The following ADAMTSL1 variants were observed in gnomAD, a reference collection of about 807,000 sequenced individuals.
ADAMTSL1 encodes ADAMTS-like protein 1.
ADAMTSL1 carries 126 observed loss-of-function variants against 201.8 expected under a neutral mutation model. The observed-to-expected ratio is 0.62, with a 90% confidence interval of 0.54 to 0.72. The LOEUF (loss-of-function observed/expected upper bound fraction) is 0.72. ADAMTSL1 is among the 30% of genes least tolerant of loss of function. The probability of loss-of-function intolerance (pLI) is 0.00; values close to 1 mark genes in which losing one functional copy is unlikely to be tolerated. For missense variants in ADAMTSL1, 2,679 were observed against 2,277.8 expected (o/e 1.18, Z -3.59); for synonymous variants, 1,121 against 903.4 (o/e 1.24, Z -4.32).
chr9:18,025,116 T>C (rs1820638668), intron 1 of ADAMTSL1, among the ~76,000 whole-genome samples: 1 of 152,150 alleles, frequency 6.6e-6, no homozygotes, highest in South Asian at 2.1e-4. Flanking sequence ...TTGGGTTTTT[T>C]TGCTTGCTGA....
intron 1 of ADAMTSL1, among the ~76,000 whole-genome samples, chr9:17,978,950 C>T (rs190296945): frequency 1.8e-5 from 2 of 108,838 alleles, no homozygotes; most frequent in African/African-American, 6.4e-5. Flanking sequence ...GTAAAGTATT[C>T]TTGGTTGACA....
chr9:18,025,612 T>A (rs550790065), intron 1 of ADAMTSL1, among the ~76,000 whole-genome samples: 1 of 152,164 alleles, frequency 6.6e-6, no homozygotes, highest in Non-Finnish European at 1.5e-5. Context: ...TTGGTCTATG[T>A]GTCTGTTTTT....
At chr9:18,204,660 A>G (rs1029571848) in intron 2 of ADAMTSL1, among the ~76,000 whole-genome samples, 4 of 152,108 alleles carry the variant, frequency 2.6e-5, no homozygotes, top group African/African-American at 7.2e-5. Flanking sequence ...AGTTCCTTCA[A>G]TCATCTGAAG....
chr9:18,349,569 T>C (rs1276705804), intron 2 of ADAMTSL1, among the ~76,000 whole-genome samples: 1 of 152,200 alleles, frequency 6.6e-6, no homozygotes, highest in Non-Finnish European at 1.5e-5. Context: ...TGCAATTGTG[T>C]GGCATATAAA....
intron 1 of ADAMTSL1, among the ~76,000 whole-genome samples, chr9:17,934,838 C>T (rs779744548): frequency 1.3e-4 from 19 of 151,502 alleles, no homozygotes; most frequent in Non-Finnish European, 2.4e-4. Context: ...GACTCCATCC[C>T]CATTTGCCTA....
In ADAMTSL1 at chr9:18,099,357, T is replaced by TATATATATATATA. The variant is rs58492343; in HGVS notation, c.88-64505_88-64504insATATATATATATA. ...TATATATATATATATATATATATAT[T>TATATATATATATA]TTTTTTTTTTTTTTTAACATCCATT... On this transcript the variant is annotated intron_variant, in intron 1 of 29. Transcript: ENST00000680146. 7.4e-3 allele frequency among the ~76,000 whole-genome samples: 419 copies of TATATATATATATA among 56,812 alleles called. 5 individuals carry two copies. Among genetic ancestry groups the TATATATATATATA allele is most frequent in the African/African-American group, 0.012 (134 of 11,380 alleles). 37.3% of individuals were successfully genotyped at this position (56,812 alleles called of 152,430 possible).
chr9:17,927,103 G>T (rs991240957), intron 1 of ADAMTSL1, among the ~76,000 whole-genome samples: 3 of 152,110 alleles, frequency 2.0e-5, no homozygotes, highest in African/African-American at 7.2e-5. Context: ...ACTATGTTCT[G>T]TTTATGATTT....
intron 16 of ADAMTSL1, among the ~76,000 whole-genome samples, chr9:18,755,905 A>C (rs1301083773): frequency 6.6e-6 from 1 of 151,712 alleles, no homozygotes; most frequent in Non-Finnish European, 1.5e-5. Flanking sequence ...ACCTTTAAAA[A>C]GTCTCTTCTT....
intron 1 of ADAMTSL1, among the ~76,000 whole-genome samples, chr9:18,086,339 A>G (rs1823770036): frequency 1.3e-5 from 2 of 152,194 alleles, no homozygotes; most frequent in South Asian, 4.1e-4. Flanking sequence ...GACTAACCTT[A>G]AATAAAACAG....
intron 2 of ADAMTSL1, among the ~76,000 whole-genome samples, chr9:18,244,589 C>T (rs1023399999): frequency 6.6e-6 from 1 of 152,118 alleles, no homozygotes; most frequent in African/African-American, 2.4e-5. Context: ...TCTTCCCCTT[C>T]ACCCTTCAAG....
In ADAMTSL1 at chr9:18,643,683, T is replaced by C. The variant is rs143167957; in HGVS notation, c.834+4272T>C. On this transcript the variant is annotated intron_variant, in intron 7 of 28. Transcript: ENST00000380548. Reference sequence around the variant, plus strand: ...CGCAGCAACTTTGTCAGAAAATCAATTGGCCTTAAATTTCTGAATTAACAT... The same window carrying C: ...CGCAGCAACTTTGTCAGAAAATCAACTGGCCTTAAATTTCTGAATTAACAT... 1.1e-3 allele frequency among the ~76,000 whole-genome samples: 164 copies of C among 152,150 alleles called. 1 individual carries two copies. The highest frequency in any genetic ancestry group is 3.3e-3 in the African/African-American group (136 of 41,552).
intron 6 of ADAMTSL1, 115 bp from the exon 7 acceptor site, chr9:18,639,139 T>C: frequency 1.0e-6 from 1 of 960,234 alleles, no homozygotes. Context: ...TTGTCAGCTA[T>C]ATAAAGAATG....
chr9:18,305,408 G>A (rs980351452), intron 2 of ADAMTSL1, among the ~76,000 whole-genome samples: 1 of 152,192 alleles, frequency 6.6e-6, no homozygotes. Context: ...AAGTGGTCTA[G>A]CTCAGGGGAT....
At chr9:18,378,133 G>A (rs569750710) in intron 2 of ADAMTSL1, among the ~76,000 whole-genome samples, 5 of 152,172 alleles carry the variant, frequency 3.3e-5, no homozygotes, top group African/African-American at 9.6e-5. Context: ...AATTAAGATC[G>A]CTTTTGTTAA....
At chr9:18,060,665 C>G (rs1250823625) in intron 1 of ADAMTSL1, among the ~76,000 whole-genome samples, 1 of 152,032 alleles carries the variant, frequency 6.6e-6, no homozygotes, top group Non-Finnish European at 1.5e-5. Flanking sequence ...TGACGATGAC[C>G]CTACTGATTT....
At chr9:18,282,801 G>A (rs1209138853) in intron 2 of ADAMTSL1, among the ~76,000 whole-genome samples, 1 of 152,208 alleles carries the variant, frequency 6.6e-6, no homozygotes, top group Non-Finnish European at 1.5e-5. Flanking sequence ...GGAGGCTGAG[G>A]CAGGAGAATC....
chr9:18,168,114 A>G (rs1827716146), intron 2 of ADAMTSL1, among the ~76,000 whole-genome samples: 1 of 151,910 alleles, frequency 6.6e-6, no homozygotes, highest in Non-Finnish European at 1.5e-5. Context: ...TTTTTTCTTA[A>G]CTAGTTTTTT....
intron 1 of ADAMTSL1, 138 bp downstream of exon 1, chr9:18,474,433 C>G (rs750706593): frequency 4.5e-6 from 4 of 883,286 alleles, no homozygotes; most frequent in Non-Finnish European, 7.1e-6. Context: ...TACACGATTA[C>G]AAAGAGAGAA....
intron 15 of ADAMTSL1, among the ~76,000 whole-genome samples, chr9:18,747,091 G>C (rs769716716): frequency 3.3e-5 from 5 of 152,164 alleles, no homozygotes; most frequent in Non-Finnish European, 7.3e-5. Flanking sequence ...AGGAAGCCCA[G>C]CATTTGCCAC....
Sources: allele counts gnomAD v4.1 joint callset (sites outside exome capture counted in the v4.1 genomes callset), GRCh38; gene constraint gnomAD v4.1.1; transcripts MANE v1.5; gene names NCBI Gene and HGNC (gene_info 2026-07-23, HGNC 2026-07-21).